TTC33: variants seen among roughly 807,000 people sequenced by gnomAD.
The protein encoded by TTC33 is tetratricopeptide repeat protein 33.
Under a neutral mutation model 29.4 loss-of-function variants are expected in TTC33, and 24 were observed. That is an observed-to-expected ratio of 0.82 (90% CI 0.59 to 1.15). The LOEUF is 1.15. Among genes scored for constraint, TTC33 ranks in the 50% most tolerant of loss-of-function variants. The pLI is 0.00. For synonymous variants in TTC33, 107 were observed against 100.3 expected, an observed-to-expected ratio of 1.07 and a Z score of -0.40; for missense variants, 286 against 310.4, an observed-to-expected ratio of 0.92 and a Z score of 0.59.
At chr5:40,735,056 G>A (rs568036152) in intron 2 of TTC33, among the ~76,000 whole-genome samples, 1 of 152,288 alleles carries the variant, frequency 6.6e-6, no homozygotes, top group South Asian at 2.1e-4. Flanking sequence ...AGAACCTGGG[G>A]CAGGACCAAA....
chr5:40,722,424 C>G (rs540850246), intron 4 of TTC33, among the ~76,000 whole-genome samples: 1 of 149,238 alleles, frequency 6.7e-6, no homozygotes, highest in Non-Finnish European at 1.5e-5. Flanking sequence ...AAGTGAGGAG[C>G]GCCTCTTCCC....
intron 3 of TTC33, 109 bp downstream of exon 3, chr5:40,730,152 TA>T: frequency 1.3e-6 from 1 of 799,534 alleles, no homozygotes. Context: ...AAAGAAACCG[TA>T]TTTGTAAAAG....
At chr5:40,722,359 G>C (rs557785747) in intron 4 of TTC33, among the ~76,000 whole-genome samples, 4 of 152,132 alleles carry the variant, frequency 2.6e-5, no homozygotes, top group Non-Finnish European at 5.9e-5. Context: ...GTCTCTGCCT[G>C]GCCGCCCATC....
chr5:40,726,014 T>C (rs890538528), intron 4 of TTC33, among the ~76,000 whole-genome samples: 34 of 151,714 alleles, frequency 2.2e-4, no homozygotes, highest in Non-Finnish European at 4.6e-4. Context: ...CTCAATCTCC[T>C]GACCTTGTGA....
intron 4 of TTC33, among the ~76,000 whole-genome samples, chr5:40,725,949 C>A (rs1299476396): frequency 6.6e-6 from 1 of 151,862 alleles, no homozygotes; most frequent in Non-Finnish European, 1.5e-5. Flanking sequence ...CCACGTCCAG[C>A]TAATTTTTTG....
intron 4 of TTC33, among the ~76,000 whole-genome samples, chr5:40,720,794 C>A (rs1264180471): frequency 4.6e-5 from 7 of 152,198 alleles, no homozygotes; most frequent in Non-Finnish European, 1.0e-4. Flanking sequence ...TCACCAGAAT[C>A]CTACTCCCAG....
Position 40,713,309 on chromosome 5 carries a change from A to C in TTC33, c.*2836T>G, listed in dbSNP as rs1181749601. Among the ~76,000 whole-genome samples, 2 of 152,188 alleles carry C rather than the reference A, an allele frequency of 1.3e-5. No homozygotes were observed. Among genetic ancestry groups the C allele is most frequent in the Non-Finnish European group, 2.9e-5 (2 of 68,024 alleles). ...TAATTTTCTTAGTGCTGGGAAAGGC[A>C]GTGAAACAAGCTTTTGAATCATTAT... On this transcript the variant is annotated 3_prime_UTR_variant, in exon 5 of 5. Coordinates refer to ENST00000337702, the MANE Select transcript of TTC33 (RefSeq NM_012382.3).
chr5:40,714,621 C>T lies in TTC33; in HGVS notation c.*1524G>A, dbSNP rs1561140738. ...TTATTAAACAAAATAAAATAATTAA[C>T]ATATTTTTTGGAGCACTCTGAAACT... On this transcript the variant is annotated 3_prime_UTR_variant, in exon 5 of 5. Coordinates refer to ENST00000337702, the MANE Select transcript of TTC33 (RefSeq NM_012382.3). 1 of 152,072 alleles carries T rather than the reference C, an allele frequency of 6.6e-6. No individual in the cohort carries two copies. The highest frequency in any genetic ancestry group is 2.4e-5 in the African/African-American group (1 of 41,440). The allele number at this position is 152,072 out of a possible 1,614,324, so 9.4% of individuals were successfully genotyped here. A position where few individuals can be genotyped will look rare whatever the true frequency, so the allele number is the denominator to read the frequency against.
In TTC33 at chr5:40,712,674, C is replaced by T. The variant is rs1006379042; in HGVS notation, c.*3471G>A. ...CAACATCGGTTCTCTGCAGTTATGA[C>T]AAATCCACAAAAGGGAAAAAAGAGG... On this transcript the variant is annotated 3_prime_UTR_variant, in exon 5 of 5. Coordinates refer to ENST00000337702, the MANE Select transcript of TTC33 (RefSeq NM_012382.3). 5.9e-5 allele frequency among the ~76,000 whole-genome samples: 9 copies of T among 152,230 alleles called. No homozygotes were observed. The South Asian group carries it at 1.0e-3, about 18-fold the overall frequency.
In TTC33 at chr5:40,730,300, T is replaced by C; in HGVS notation, c.265A>G (p.Thr89Ala). Residue 89 changes from threonine to alanine, a missense_variant, in exon 3 of 5, where the codon ACT becomes GCT. Transcript: ENST00000337702. ...TCGTATAGGGTAGCATCATTTGGAG[T>C]TAACTGTAGTGCTTCATCCCACTTC... ...IQKWDEALQL[T>A]PNDATLYEMK... is the part of the protein sequence containing the mutation. The C allele has an allele frequency of 6.2e-7, 1 of 1,612,450 alleles. No homozygotes were observed. The highest frequency in any genetic ancestry group is 1.1e-5 in the South Asian group (1 of 90,844).
Position 40,728,438 on chromosome 5 carries a change from A to T in TTC33, c.342T>A (p.His114Gln). ...MSLHEMFPAV[H>Q]AAEMAVQQNP... ...TTTGCTGGACGGCCATTTCTGCTGC[A>T]TGTACTGCTGGGAACATTTCATGAA... Residue 114 changes from histidine (H) to glutamine (Q), a missense_variant, in exon 4 of 5, where the codon CAT (histidine) becomes CAA (glutamine). By Grantham distance (24) the His-to-Gln change is conservative. Coordinates refer to ENST00000337702, the MANE Select transcript of TTC33 (RefSeq NM_012382.3). 2.5e-6 allele frequency: 4 copies of T among 1,613,802 alleles called. No individual in the cohort carries two copies. Among genetic ancestry groups the T allele is most frequent in the Non-Finnish European group, 3.4e-6 (4 of 1,179,918 alleles).
chr5:40,747,353 C>A (rs115385422), intron 1 of TTC33, among the ~76,000 whole-genome samples: 1 of 152,020 alleles, frequency 6.6e-6, no homozygotes, highest in African/African-American at 2.4e-5. Context: ...CCACCACGCC[C>A]GGCCCAAAAC....
intron 2 of TTC33, among the ~76,000 whole-genome samples, chr5:40,734,054 C>T (rs753748716): frequency 2.0e-5 from 3 of 152,270 alleles, no homozygotes; most frequent in East Asian, 3.9e-4. Flanking sequence ...TTGTTGCCAA[C>T]GAGGCCTATA....
intron 4 of TTC33, among the ~76,000 whole-genome samples, chr5:40,725,784 C>CTTTTT (rs35070396): frequency 2.4e-5 from 3 of 126,062 alleles, no homozygotes; most frequent in Admixed American, 8.1e-5. Flanking sequence ...TTCTCTTCAG[C>CTTTTT]TTTTTTTTTT....
At chr5:40,730,073 T>C (rs546486595) in intron 3 of TTC33, among the ~76,000 whole-genome samples, 189 bp downstream of exon 3, 1 of 152,364 alleles carries the variant, frequency 6.6e-6, no homozygotes, top group South Asian at 2.1e-4. Flanking sequence ...AACTTCATTG[T>C]AAAGGCAAAT....
intron 2 of TTC33, among the ~76,000 whole-genome samples, chr5:40,740,989 C>G (rs903103103): frequency 1.3e-5 from 2 of 152,052 alleles, no homozygotes; most frequent in African/African-American, 4.8e-5. Flanking sequence ...CTTTAATTAT[C>G]TGAATATAGT....
At chr5:40,732,844 C>T (rs1742463255) in intron 2 of TTC33, among the ~76,000 whole-genome samples, 2 of 151,966 alleles carry the variant, frequency 1.3e-5, no homozygotes, top group South Asian at 4.1e-4. Flanking sequence ...TTGACCTCAA[C>T]TGATCTGCCC....
At chr5:40,722,319 G>C (rs1050075935) in intron 4 of TTC33, among the ~76,000 whole-genome samples, 2 of 152,152 alleles carry the variant, frequency 1.3e-5, no homozygotes, top group Admixed American at 6.5e-5. Context: ...TCCTCTGCCC[G>C]GCCGCCACCC....
intron 2 of TTC33, among the ~76,000 whole-genome samples, chr5:40,743,943 A>G (rs1170646055): frequency 2.0e-5 from 3 of 152,236 alleles, no homozygotes; most frequent in Non-Finnish European, 4.4e-5. Context: ...ATACAGGCAG[A>G]AAACAAGAGT....
Sources: gnomAD v4.1 joint callset for allele counts (sites outside exome capture counted in the v4.1 genomes callset) on GRCh38, gnomAD v4.1.1 for gene constraint, MANE v1.5 for transcripts, NCBI Gene and HGNC (gene_info 2026-07-23, HGNC 2026-07-21) for gene names.